PTK7: variants seen among roughly 807,000 people sequenced by gnomAD.
PTK7 encodes protein tyrosine kinase 7 (inactive).
PTK7 carries 39 observed loss-of-function variants against 116.6 expected under a neutral mutation model. The observed-to-expected ratio is 0.33, with a 90% CI of 0.26 to 0.44. The LOEUF is 0.44. Among genes scored for constraint, PTK7 ranks in the 20% least tolerant of loss-of-function variants. The probability of loss-of-function intolerance (pLI) is 1.00; values close to 1 mark genes in which losing one functional copy is unlikely to be tolerated. For synonymous variants in PTK7, 546 were observed against 563.6 expected (o/e 0.97, Z 0.44); for missense variants, 1,169 against 1,425.6 (o/e 0.82, Z 2.90).
chr6:43,103,303 G>A (rs939735462), intron 1 of PTK7, among the ~76,000 whole-genome samples: 1 of 152,218 alleles, frequency 6.6e-6, no homozygotes, highest in African/African-American at 2.4e-5. Flanking sequence ...ACAGACCAGG[G>A]ATTGGATGAT....
In PTK7 at chr6:43,110,381, G is replaced by GT. The variant is rs943839873; in HGVS notation, c.80-18586dup. On this transcript the variant is annotated intron_variant, in intron 1 of 19. Coordinates refer to ENST00000230419, the MANE Select transcript of PTK7 (RefSeq NM_002821.5). ...CATGTTTCTATTAGAATTTTAGCAG[G>GT]TTTTTTTTTTGTTGTTGTTGTTGCT... Among the ~76,000 whole-genome samples, 562 of 146,688 alleles carry GT rather than the reference G, an allele frequency of 3.8e-3. 3 individuals are homozygous for GT. The highest frequency in any genetic ancestry group is 0.012 in the African/African-American group (471 of 39,954).
Position 43,134,787 on chromosome 6 carries a change from A to G in PTK7, c.1228+2100A>G, listed in dbSNP as rs1340136073. Among the ~76,000 whole-genome samples the G allele has an allele frequency of 4.0e-5, 6 of 151,670 alleles. No homozygotes were observed. In the East Asian group the frequency reaches 1.2e-3, roughly 29 times the overall value. On this transcript the variant is annotated intron_variant, in intron 7 of 19. Transcript: ENST00000230419. ...AGAGCGAGACTTTGTCTCAGGAAAA[A>G]AAAAAAAAAAAATTTAGCCAGGTAT...
Position 43,146,607 on chromosome 6 carries a change from T to C in PTK7, c.2641-11T>C. Reference sequence around the variant, plus strand: ...CACTGACCTGAGCGAGATGCCTGGCTTTTCCCTTAGGGAGACCTCAAGCAG... The same window carrying C: ...CACTGACCTGAGCGAGATGCCTGGCCTTTCCCTTAGGGAGACCTCAAGCAG... On this transcript the variant is annotated splice_polypyrimidine_tract_variant and intron_variant, in intron 16 of 19. Transcript: ENST00000230419. 6.2e-7 allele frequency: 1 copy of C among 1,612,696 alleles called. No individual in the cohort carries two copies.
chr6:43,122,688 CCT>C (rs1186193230), intron 1 of PTK7, among the ~76,000 whole-genome samples: 5 of 150,460 alleles, frequency 3.3e-5, no homozygotes, highest in Non-Finnish European at 7.4e-5. Flanking sequence ...CTCACTGCAA[CCT>C]CTGTCTCCCT....
Position 43,144,292 on chromosome 6 carries a change from C to T in PTK7, c.2252-159C>T, listed in dbSNP as rs1477686681. ...TAGCCATACATCCCCCACCCAGCCC[C>T]AGCCCCATTATTTCATCATTTGGGC... is the stretch of plus-strand genomic sequence containing the variant. On this transcript the variant is annotated intron_variant, in intron 14 of 19. Transcript: ENST00000230419. 4.8e-6 allele frequency: 4 copies of T among 838,224 alleles called. No homozygotes were observed. The Admixed American group carries it at 9.5e-5, about 20-fold the overall frequency. 51.9% of individuals were successfully genotyped at this position (838,224 alleles called of 1,614,324 possible).
rs1028837348 is a variant in PTK7 at position 43,129,544 on chromosome 6, C to T, written c.368-183C>T. The T allele has an allele frequency of 2.1e-5, 14 of 677,286 alleles. No individual in the cohort carries two copies. Among genetic ancestry groups the T allele is most frequent in the African/African-American group, 1.8e-5 (1 of 55,342 alleles). 42.0% of individuals were successfully genotyped at this position (677,286 alleles called of 1,614,324 possible). ...TTGGCCAAGTGTCAGACTTGACCTG[C>T]CAGGGACCAGGCAGGCACTTAGTAT... On this transcript the variant is annotated intron_variant, in intron 2 of 19. Transcript: ENST00000230419. The surrounding 1 kb of genome is among the most constrained non-coding windows in gnomAD (Gnocchi z 4.5).
chr6:43,151,453 C>A (rs1468621655), intron 17 of PTK7, among the ~76,000 whole-genome samples: 2 of 151,200 alleles, frequency 1.3e-5, no homozygotes, highest in East Asian at 1.9e-4. Flanking sequence ...TCCTCGTGAT[C>A]CGCCCGCCTC....
In PTK7 at chr6:43,076,674, G is replaced by T; in HGVS notation, c.79+107G>T. On this transcript the variant is annotated intron_variant, in intron 1 of 19. Transcript: ENST00000230419. This position sits in a 1 kb window ranked among gnomAD's most constrained non-coding sequence, Gnocchi z 5.7. ...TTTGGGCGGCTGGAACGGCCCTGGAGTAGTGGAGAGGCTCGCTGGGGGTGC... is the reference window on the plus strand; with the variant it reads ...TTTGGGCGGCTGGAACGGCCCTGGATTAGTGGAGAGGCTCGCTGGGGGTGC... 2.1e-6 allele frequency: 3 copies of T among 1,416,466 alleles called. No homozygotes were observed. The highest frequency in any genetic ancestry group is 1.9e-6 in the Non-Finnish European group (2 of 1,063,382). 87.7% of individuals were successfully genotyped at this position (1,416,466 alleles called of 1,614,324 possible).
chr6:43,158,336 G>A (rs1256305197), intron 17 of PTK7, among the ~76,000 whole-genome samples: 1 of 151,888 alleles, frequency 6.6e-6, no homozygotes, highest in East Asian at 1.9e-4. Context: ...GCATGGTGAT[G>A]CACAGCTATA....
At chr6:43,095,476 A>T (rs562431990) in intron 1 of PTK7, among the ~76,000 whole-genome samples, 1 of 152,308 alleles carries the variant, frequency 6.6e-6, no homozygotes, top group South Asian at 2.1e-4. Context: ...TGTAGGCTTA[A>T]GCACTTTACC....
At chr6:43,085,887 T>C (rs146004334) in intron 1 of PTK7, among the ~76,000 whole-genome samples, 3,418 of 148,316 alleles carry the variant, frequency 0.023, 55 homozygotes, top group Non-Finnish European at 0.034. Flanking sequence ...GAGCTGAGAT[T>C]GCGCCACTGC....
intron 1 of PTK7, among the ~76,000 whole-genome samples, chr6:43,105,727 A>C (rs1330479580): frequency 1.3e-5 from 2 of 152,134 alleles, no homozygotes; most frequent in East Asian, 3.9e-4. Context: ...CTGAGGTTGG[A>C]GTGATGTGGC....
intron 1 of PTK7, among the ~76,000 whole-genome samples, chr6:43,095,517 C>T (rs969364717): frequency 2.0e-5 from 3 of 152,132 alleles, no homozygotes; most frequent in African/African-American, 4.8e-5. Flanking sequence ...ATTCTTTCTG[C>T]GTTGTCACTG....
chr6:43,145,072 A>G lies in PTK7; in HGVS notation c.2408-128A>G. 1.4e-6 allele frequency: 1 copy of G among 724,352 alleles called. No individual in the cohort carries two copies. The highest frequency in any genetic ancestry group is 2.2e-6 in the Non-Finnish European group (1 of 446,632). The allele number at this position is 724,352 out of a possible 1,614,324, so 44.9% of individuals were successfully genotyped here. ...GCCTAAGGAGGGAGGGGGTCACAGCAGAACCGGGTCTCGTGCCCAGCCCAG... is the reference window on the plus strand; with the variant it reads ...GCCTAAGGAGGGAGGGGGTCACAGCGGAACCGGGTCTCGTGCCCAGCCCAG... On this transcript the variant is annotated intron_variant, in intron 15 of 19. Transcript: ENST00000230419. This position sits in a 1 kb window ranked among gnomAD's most constrained non-coding sequence, Gnocchi z 4.8.
intron 1 of PTK7, among the ~76,000 whole-genome samples, chr6:43,096,080 A>G (rs79075155): frequency 0.012 from 1,798 of 152,310 alleles, 44 homozygotes; most frequent in African/African-American, 0.041. Flanking sequence ...GAGAGCCTGC[A>G]TGGACCTCTG....
intron 17 of PTK7, among the ~76,000 whole-genome samples, chr6:43,147,729 A>G (rs571154532): frequency 6.3e-4 from 96 of 152,224 alleles, no homozygotes; most frequent in African/African-American, 2.1e-3. Flanking sequence ...GCCCCCTCTT[A>G]TTACATGTGA....
At chr6:43,105,601 A>C (rs1458059806) in intron 1 of PTK7, among the ~76,000 whole-genome samples, 2 of 152,224 alleles carry the variant, frequency 1.3e-5, no homozygotes, top group African/African-American at 4.8e-5. Context: ...TAATCAAGGT[A>C]AGATCAATTC....
At chr6:43,148,827 G>A (rs1002271522) in intron 17 of PTK7, among the ~76,000 whole-genome samples, 4 of 151,882 alleles carry the variant, frequency 2.6e-5, no homozygotes, top group Non-Finnish European at 5.9e-5. Context: ...TTGGGAGGCC[G>A]AGGCGGGCAG....
In PTK7 at chr6:43,116,601, GGTTT is replaced by G. The variant is rs1179350399; in HGVS notation, c.80-12373_80-12370del. Among the ~76,000 whole-genome samples the G allele has an allele frequency of 6.2e-5, 8 of 128,086 alleles. 1 individual carries two copies. The East Asian group carries it at 7.0e-4, about 11-fold the overall frequency. The allele number at this position is 128,086 out of a possible 152,430, so 84.0% of individuals were successfully genotyped here. A position where few individuals can be genotyped will look rare whatever the true frequency, so the allele number is the denominator to read the frequency against. On this transcript the variant is annotated intron_variant, in intron 1 of 19. Coordinates refer to ENST00000230419, the MANE Select transcript of PTK7 (RefSeq NM_002821.5). Reference sequence around the variant, plus strand: ...AGGAGGAAGAAGGCCAGGAAAAGCTGGTTTGTGTGTGTGTGTGTGTGTGTGTGTG... The same window carrying G: ...AGGAGGAAGAAGGCCAGGAAAAGCTGGTGTGTGTGTGTGTGTGTGTGTGTG...
Sources: gnomAD v4.1 joint callset for allele counts (sites outside exome capture counted in the v4.1 genomes callset) on GRCh38, gnomAD v4.1.1 for gene constraint, Gnocchi (gnomAD v3.1) non-coding constraint, MANE v1.5 for transcripts, NCBI Gene and HGNC (gene_info 2026-07-23, HGNC 2026-07-21) for gene names.